Variants in ADGRV1 observed in about 807,000 individuals in gnomAD.
ADGRV1 encodes adhesion G protein-coupled receptor V1, also known as G-protein coupled receptor 98.
In ADGRV1, 359 loss-of-function variants were observed where a neutral mutation model predicts 596.2. The ratio of observed to expected loss-of-function variants is 0.60; its 90% confidence interval spans 0.55 to 0.66. ADGRV1 has a LOEUF of 0.66. Among genes scored for constraint, ADGRV1 ranks in the 30% least tolerant of loss-of-function variants. The probability of loss-of-function intolerance (pLI) is 0.00; values close to 1 mark genes in which losing one functional copy is unlikely to be tolerated. For synonymous variants in ADGRV1, 2,681 were observed against 2,679.2 expected, an observed-to-expected ratio of 1.00 and a Z score of -0.02; for missense variants, 7,274 against 7,575.6, an observed-to-expected ratio of 0.96 and a Z score of 1.48.
At chr5:90,667,257 G>T (rs1449423199) in intron 21 of ADGRV1, among the ~76,000 whole-genome samples, 2 of 132,236 alleles carry the variant, frequency 1.5e-5, no homozygotes, top group Non-Finnish European at 3.1e-5. Flanking sequence ...CCAATCAGAC[G>T]TAGATTTGGT....
intron 75 of ADGRV1, among the ~76,000 whole-genome samples, chr5:90,821,847 C>T (rs1763553397): frequency 6.6e-6 from 1 of 152,094 alleles, no homozygotes; most frequent in East Asian, 1.9e-4. Flanking sequence ...TTTAAGTCTG[C>T]AGAGGTTACT....
At chr5:90,953,617 ATTTC>A (rs1336168176) in intron 83 of ADGRV1, among the ~76,000 whole-genome samples, 1 of 152,076 alleles carries the variant, frequency 6.6e-6, no homozygotes, top group Non-Finnish European at 1.5e-5. Context: ...ATGTCTTGAT[ATTTC>A]TTCTCTAACA....
intron 87 of ADGRV1, among the ~76,000 whole-genome samples, chr5:91,145,345 AT>A (rs1455194990): frequency 6.6e-6 from 1 of 152,232 alleles, no homozygotes; most frequent in African/African-American, 2.4e-5. Flanking sequence ...TAAAGCATGG[AT>A]TTTGTTTCCC....
chr5:90,981,641 C>T (rs577410572), intron 84 of ADGRV1, among the ~76,000 whole-genome samples: 148 of 152,286 alleles, frequency 9.7e-4, no homozygotes, highest in African/African-American at 3.3e-3. Context: ...TGGTTCCTGC[C>T]TTGTGCCCTG....
chr5:90,614,710 T>A (rs1449675288), intron 1 of ADGRV1, 125 bp from the exon 2 acceptor site: 1 of 747,750 alleles, frequency 1.3e-6, no homozygotes, highest in Admixed American at 2.0e-5. Context: ...TAATAGTAGA[T>A]GTATTTATGT....
chr5:90,866,903 T>G (rs1581370414), intron 83 of ADGRV1, among the ~76,000 whole-genome samples: 1 of 152,278 alleles, frequency 6.6e-6, no homozygotes, highest in African/African-American at 2.4e-5. Context: ...ACCAAGTTAT[T>G]TTTTCTCACT....
chr5:90,914,156 A>G (rs1366070461), intron 83 of ADGRV1, among the ~76,000 whole-genome samples: 1 of 152,202 alleles, frequency 6.6e-6, no homozygotes, highest in Non-Finnish European at 1.5e-5. Flanking sequence ...GAATACTTGC[A>G]TTGTACTTAT....
chr5:90,836,310 C>T lies in ADGRV1; in HGVS notation c.16612-4268C>T, dbSNP rs527888495. 1.4e-3 allele frequency among the ~76,000 whole-genome samples: 216 copies of T among 152,194 alleles called. 1 individual carries two copies. Among genetic ancestry groups the T allele is most frequent in the African/African-American group, 5.0e-3 (208 of 41,544 alleles). ...ATTTATAGTAGCTTATTAATAATAG[C>T]CCCAAAGTAGAAACAATTCAGGTGT... On this transcript the variant is annotated intron_variant, in intron 77 of 89. Transcript: ENST00000405460.
At chr5:91,018,038 A>T (rs1170099296) in intron 85 of ADGRV1, among the ~76,000 whole-genome samples, 1 of 151,944 alleles carries the variant, frequency 6.6e-6, no homozygotes, top group Non-Finnish European at 1.5e-5. Flanking sequence ...AATCTACCCT[A>T]CTATGTTTTT....
At chr5:90,581,552 C>A (rs758171883) in intron 1 of ADGRV1, among the ~76,000 whole-genome samples, 2 of 152,172 alleles carry the variant, frequency 1.3e-5, no homozygotes, top group Non-Finnish European at 2.9e-5. Flanking sequence ...TGGAGGTCCA[C>A]TCCAGACCCT....
chr5:90,919,234 T>C (rs1773654456), intron 83 of ADGRV1, among the ~76,000 whole-genome samples: 1 of 152,242 alleles, frequency 6.6e-6, no homozygotes, highest in Non-Finnish European at 1.5e-5. Context: ...CCAAATCTAC[T>C]GTTCCTATCT....
intron 83 of ADGRV1, among the ~76,000 whole-genome samples, chr5:90,924,550 A>G (rs1774227370): frequency 6.6e-6 from 1 of 150,784 alleles, no homozygotes; most frequent in Admixed American, 6.6e-5. Context: ...TCAGATGAGT[A>G]GGTTGTGAAA....
chr5:90,906,783 G>T (rs938696248), intron 83 of ADGRV1, among the ~76,000 whole-genome samples: 6 of 151,926 alleles, frequency 3.9e-5, no homozygotes, highest in African/African-American at 9.7e-5. Flanking sequence ...GATTTGGTTT[G>T]CTCTGCTTTT....
At position 90,784,003 on chromosome 5, in the gene ADGRV1, A is replaced by G. The variant is rs17554631; in HGVS notation, c.13599A>G (p.Thr4533=). The change falls in exon 67 of 90, where the codon ACA becomes ACG. Residue 4533 remains threonine, a synonymous_variant. Transcript: ENST00000405460. ...SKISIANPNS[T]MILSLVLERT... is the part of the protein sequence containing the mutation. ...TTTCTATTGCTAATCCCAATTCCAC[A>G]ATGATTTTATCACTGGTGCTGGAGC... The G allele has an allele frequency of 0.2, 317,323 of 1,610,940 alleles. 34,968 individuals are homozygous for G. The highest frequency in any genetic ancestry group is 0.22 in the Non-Finnish European group (264,633 of 1,177,684).
At chr5:91,142,389 G>C (rs978834903) in intron 87 of ADGRV1, among the ~76,000 whole-genome samples, 1 of 152,146 alleles carries the variant, frequency 6.6e-6, no homozygotes, top group Non-Finnish European at 1.5e-5. Flanking sequence ...TTGAGATGAA[G>C]AGAGCATAAT....
chr5:90,569,580 G>C (rs1305723700), intron 1 of ADGRV1, among the ~76,000 whole-genome samples: 4 of 150,242 alleles, frequency 2.7e-5, no homozygotes, highest in African/African-American at 9.8e-5. Context: ...AGGTAGGATT[G>C]ATGTCTACCA....
chr5:91,057,164 T>C (rs1786959245), intron 85 of ADGRV1, among the ~76,000 whole-genome samples: 1 of 152,224 alleles, frequency 6.6e-6, no homozygotes, highest in South Asian at 2.1e-4. Flanking sequence ...ACGAAAATTG[T>C]GTTGTTTAAA....
chr5:90,754,367 C>T (rs895860633), intron 54 of ADGRV1, among the ~76,000 whole-genome samples: 5 of 152,080 alleles, frequency 3.3e-5, no homozygotes, highest in South Asian at 4.1e-4. Context: ...AAGATTTTCA[C>T]GTAATAACAT....
chr5:90,988,098 C>T (rs1034555066), intron 85 of ADGRV1, among the ~76,000 whole-genome samples: 1 of 152,118 alleles, frequency 6.6e-6, no homozygotes, highest in African/African-American at 2.4e-5. Context: ...CTGAATGTAG[C>T]GCTGATTTCA....
Sources: gnomAD v4.1 joint callset for allele counts (sites outside exome capture counted in the v4.1 genomes callset) on GRCh38, gnomAD v4.1.1 for gene constraint, MANE v1.5 for transcripts, NCBI Gene and HGNC (gene_info 2026-07-23, HGNC 2026-07-21) for gene names.